The following AFF3 variants were observed in gnomAD, a reference collection of about 807,000 sequenced individuals.
The protein encoded by AFF3 is ALF transcription elongation factor 3, also known as AF4/FMR2 family member 3.
Under a neutral mutation model 129.7 loss-of-function variants are expected in AFF3, and 32 were observed. That is an observed-to-expected ratio of 0.25 (90% CI 0.19 to 0.33). The LOEUF is 0.33. AFF3 is among the 10% of genes least tolerant of loss of function. AFF3 has a pLI of 1.00. For missense variants in AFF3, 1,373 were observed against 1,592.0 expected, an observed-to-expected ratio of 0.86 and a Z score of 2.34; for synonymous variants, 644 against 635.4, an observed-to-expected ratio of 1.01 and a Z score of -0.20.
chr2:99,981,964 A>T (rs1679443590), intron 7 of AFF3, among the ~76,000 whole-genome samples: 1 of 152,224 alleles, frequency 6.6e-6, no homozygotes, highest in Admixed American at 6.5e-5. Context: ...CTGTGGGAAG[A>T]CAAAAGAAGC....
intron 7 of AFF3, among the ~76,000 whole-genome samples, chr2:99,967,715 T>A (rs1415013650): frequency 6.6e-6 from 1 of 152,230 alleles, no homozygotes; most frequent in East Asian, 1.9e-4. Context: ...TGAAGCCATT[T>A]CAGGCACCTC....
intron 24 of AFF3, among the ~76,000 whole-genome samples, chr2:99,551,864 C>T (rs1427741846): frequency 6.6e-6 from 1 of 152,148 alleles, no homozygotes; most frequent in African/African-American, 2.4e-5. Flanking sequence ...AATCCATATC[C>T]TCCAGCTGCA....
chr2:99,554,668 G>C lies in AFF3; in HGVS notation c.3335+15C>G, dbSNP rs775540380. The C allele has an allele frequency of 6.2e-7, 1 of 1,614,192 alleles. No homozygotes were observed. Among genetic ancestry groups the C allele is most frequent in the Non-Finnish European group, 8.5e-7 (1 of 1,180,034 alleles). The stretch of plus-strand genomic sequence containing the variant: ...TGTCTGGCTTACGGCATTGACTTTG[G>C]AAAAGCGAACTTACTTTCCACTGGC... On this transcript the variant is annotated intron_variant, in intron 23 of 24. Transcript: ENST00000672756.
intron 7 of AFF3, among the ~76,000 whole-genome samples, chr2:99,937,919 A>G (rs1334789107): frequency 9.9e-5 from 15 of 152,150 alleles, no homozygotes; most frequent in Admixed American, 9.8e-4. Flanking sequence ...TTCCAGAGTC[A>G]CCTATTCTTT....
chr2:99,549,668 A>C lies in AFF3; in HGVS notation c.*1806T>G, dbSNP rs1196318003. The C allele has an allele frequency of 4.7e-6, 1 of 215,020 alleles. No homozygotes were observed. The highest frequency in any genetic ancestry group is 9.4e-6 in the Non-Finnish European group (1 of 106,716). 13.3% of individuals were successfully genotyped at this position (215,020 alleles called of 1,614,324 possible). A position where few individuals can be genotyped will look rare whatever the true frequency, so the allele number is the denominator to read the frequency against. Reference sequence around the variant, plus strand: ...TCTCTTAATATTTCCAAATGCTTGAAGGCCAAAGCCAAATGCAAATTCCAC... The same window carrying C: ...TCTCTTAATATTTCCAAATGCTTGACGGCCAAAGCCAAATGCAAATTCCAC... On this transcript the variant is annotated 3_prime_UTR_variant, in exon 25 of 25. Transcript: ENST00000672756.
Position 99,771,208 on chromosome 2 carries a change from T to C in AFF3, c.922-18907A>G, listed in dbSNP as rs185320875. Among the ~76,000 whole-genome samples, 77 of 151,988 alleles carry C rather than the reference T, an allele frequency of 5.1e-4. 1 individual carries two copies. In the East Asian group the frequency reaches 0.012, roughly 23 times the overall value. On this transcript the variant is annotated intron_variant, in intron 8 of 24. Transcript: ENST00000672756. The stretch of plus-strand genomic sequence containing the variant: ...TCACTTATAAGTGGGAGTTGAACAA[T>C]GAGAACACATGGACACATGGATGGT...
chr2:99,682,619 C>T (rs1289700881), intron 11 of AFF3, among the ~76,000 whole-genome samples: 1 of 152,236 alleles, frequency 6.6e-6, no homozygotes, highest in Non-Finnish European at 1.5e-5. Context: ...TTCGTCAAGA[C>T]TGCATAGGAT....
chr2:99,892,044 A>G (rs112024233), intron 7 of AFF3, among the ~76,000 whole-genome samples: 255 of 152,026 alleles, frequency 1.7e-3, no homozygotes, highest in Admixed American at 2.8e-3. Flanking sequence ...GGATGGTCTC[A>G]ATCTCCTGAC....
chr2:100,094,316 G>T (rs888036571), intron 4 of AFF3, among the ~76,000 whole-genome samples: 1 of 151,988 alleles, frequency 6.6e-6, no homozygotes, highest in African/African-American at 2.4e-5. Context: ...CCCTGAGTTT[G>T]TTTTCCTGCA....
intron 7 of AFF3, among the ~76,000 whole-genome samples, chr2:99,944,706 A>G (rs149962049): frequency 3.3e-5 from 5 of 152,306 alleles, no homozygotes; most frequent in African/African-American, 1.2e-4. Flanking sequence ...GGGAAGGTAC[A>G]AGAAGGATAA....
At chr2:99,866,913 T>C (rs1576226352) in intron 7 of AFF3, among the ~76,000 whole-genome samples, 1 of 148,458 alleles carries the variant, frequency 6.7e-6, no homozygotes, top group African/African-American at 2.5e-5. Flanking sequence ...GAGGTGGAGG[T>C]TGCAGTGAGC....
At chr2:99,776,815 G>A (rs1386581028) in intron 8 of AFF3, among the ~76,000 whole-genome samples, 3 of 152,180 alleles carry the variant, frequency 2.0e-5, no homozygotes, top group Non-Finnish European at 4.4e-5. Context: ...GCCAAAATTT[G>A]TAAGGGCTCG....
chr2:100,007,607 T>TG, intron 5 of AFF3, 147 bp from the exon 6 acceptor site: 1 of 727,972 alleles, frequency 1.4e-6, no homozygotes, highest in Non-Finnish European at 2.3e-6. Context: ...TTATCGTCTC[T>TG]GAAGATGTCT....
intron 2 of AFF3, among the ~76,000 whole-genome samples, chr2:100,122,862 T>C (rs1199643351): frequency 6.6e-6 from 1 of 152,232 alleles, no homozygotes; most frequent in Non-Finnish European, 1.5e-5. Context: ...TTTAACCCAA[T>C]GTGGATCAAA....
chr2:100,070,352 C>T (rs1196980333), intron 4 of AFF3, among the ~76,000 whole-genome samples: 1 of 152,170 alleles, frequency 6.6e-6, no homozygotes, highest in Non-Finnish European at 1.5e-5. Flanking sequence ...AGATGTGAAA[C>T]CATCGTTGCT....
intron 12 of AFF3, among the ~76,000 whole-genome samples, chr2:99,650,318 G>A (rs1685117272): frequency 6.6e-6 from 1 of 152,136 alleles, no homozygotes; most frequent in South Asian, 2.1e-4. Flanking sequence ...CAGCACTTTG[G>A]GAGGCTGAGG....
intron 7 of AFF3, among the ~76,000 whole-genome samples, chr2:99,943,470 C>G (rs980753418): frequency 1.3e-5 from 2 of 152,194 alleles, no homozygotes; most frequent in African/African-American, 2.4e-5. Context: ...AGGGGTGATA[C>G]ATCTGATTTT....
At chr2:100,132,866 G>C (rs1692479030) in intron 1 of AFF3, among the ~76,000 whole-genome samples, 1 of 150,720 alleles carries the variant, frequency 6.6e-6, no homozygotes, top group African/African-American at 2.4e-5. Flanking sequence ...ATTGAATGAT[G>C]CTGGCCTTTT....
chr2:99,551,958 G>A (rs750892244), intron 24 of AFF3, among the ~76,000 whole-genome samples: 2 of 152,286 alleles, frequency 1.3e-5, no homozygotes, highest in Non-Finnish European at 2.9e-5. Flanking sequence ...TCTGGTATGC[G>A]CTGAGCCCCT....
Sources: gnomAD v4.1 joint callset for allele counts (sites outside exome capture counted in the v4.1 genomes callset) on GRCh38, gnomAD v4.1.1 for gene constraint, MANE v1.5 for transcripts, NCBI Gene and HGNC (gene_info 2026-07-23, HGNC 2026-07-21) for gene names.